SMPDL3A: variants seen among roughly 807,000 people sequenced by gnomAD.
The protein encoded by SMPDL3A is cyclic GMP-AMP phosphodiesterase SMPDL3A.
In SMPDL3A, 39 loss-of-function variants were observed where a neutral mutation model predicts 38.5. The ratio of observed to expected loss-of-function variants is 1.01; its 90% CI spans 0.78 to 1.32. The LOEUF is 1.32. SMPDL3A is among the 40% of genes most tolerant of loss of function. The pLI, the probability that SMPDL3A is intolerant of heterozygous loss-of-function variation, is 0.00. For synonymous variants in SMPDL3A, 180 were observed against 194.3 expected, an observed-to-expected ratio of 0.93 and a Z score of 0.61; for missense variants, 502 against 536.2, an observed-to-expected ratio of 0.94 and a Z score of 0.63.
chr6:122,804,733 T>C (rs1781544416), intron 5 of SMPDL3A, among the ~76,000 whole-genome samples, 176 bp from the exon 6 acceptor site: 1 of 152,188 alleles, frequency 6.6e-6, no homozygotes, highest in African/African-American at 2.4e-5. Context: ...TGTACAAATA[T>C]AGTGACCCTA....
chr6:122,808,625 TCCTTCCTTCCTTCCTTC>T (rs1562357778), intron 7 of SMPDL3A, among the ~76,000 whole-genome samples: 2 of 100,772 alleles, frequency 2.0e-5, no homozygotes, highest in Non-Finnish European at 3.8e-5. Flanking sequence ...CTTCCTTCCT[TCCTTCCTTCCTTCCTTC>T]CCCCCCTCCT....
At chr6:122,802,788 A>T (rs1284873791) in intron 4 of SMPDL3A, among the ~76,000 whole-genome samples, 1 of 152,166 alleles carries the variant, frequency 6.6e-6, no homozygotes, top group Non-Finnish European at 1.5e-5. Flanking sequence ...ATCCTGAGAA[A>T]GTCTTAAAGG....
chr6:122,794,243 A>G (rs1046178607), intron 1 of SMPDL3A, among the ~76,000 whole-genome samples: 7 of 152,212 alleles, frequency 4.6e-5, no homozygotes, highest in Non-Finnish European at 1.0e-4. Flanking sequence ...TGGCACATAG[A>G]AAATACTTAA....
chr6:122,795,670 TCAA>T lies in SMPDL3A; in HGVS notation c.113-4_113-2del, dbSNP rs1781222052. 2 of 1,604,888 alleles carry T rather than the reference TCAA, an allele frequency of 1.2e-6. No homozygotes were observed. Among genetic ancestry groups the T allele is most frequent in the Non-Finnish European group, 1.7e-6 (2 of 1,173,942 alleles). On this transcript the variant is annotated splice_polypyrimidine_tract_variant and splice_region_variant and intron_variant, in intron 1 of 7. Coordinates refer to ENST00000368440, the MANE Select transcript of SMPDL3A (RefSeq NM_006714.5). Reference sequence around the variant, plus strand: ...AGATTTATCTGCATTTTTTGTGTAATCAACAGGACAGTTTTGGCATGTGACTGA... The same window carrying T: ...AGATTTATCTGCATTTTTTGTGTAATCAGGACAGTTTTGGCATGTGACTGA...
chr6:122,803,941 G>A, intron 5 of SMPDL3A, 108 bp downstream of exon 5: 1 of 873,526 alleles, frequency 1.1e-6, no homozygotes. Flanking sequence ...ATAATTTGAA[G>A]ATTTTTTTTG....
rs150006935 is a variant in SMPDL3A, at chr6:122,805,916, G to A, written c.920-317G>A. ...CCTTATATTCTTTTAATTTTTTGCT[G>A]GAGTATTTGAAAGTGAATCTCAAAC... On this transcript the variant is annotated intron_variant, in intron 6 of 7. Coordinates refer to ENST00000368440, the MANE Select transcript of SMPDL3A (RefSeq NM_006714.5). Among the ~76,000 whole-genome samples the A allele has an allele frequency of 5.0e-4, 76 of 152,206 alleles. 2 individuals carry two copies. In the East Asian group the frequency reaches 0.014, roughly 27 times the overall value.
At chr6:122,790,176 C>A (rs973331416) in intron 1 of SMPDL3A, among the ~76,000 whole-genome samples, 3 of 152,174 alleles carry the variant, frequency 2.0e-5, no homozygotes, top group Admixed American at 6.5e-5. Flanking sequence ...TGGCAGCAGC[C>A]GCCGCACTTA....
intron 4 of SMPDL3A, 113 bp from the exon 5 acceptor site, chr6:122,803,551 T>G: frequency 2.7e-6 from 2 of 736,776 alleles, no homozygotes; most frequent in Non-Finnish European, 4.4e-6. Context: ...AACTAAACAA[T>G]GAGAAATAAG....
rs1225326344 is a variant in SMPDL3A, at chr6:122,789,294, C to T, written c.-53C>T. On this transcript the variant is annotated 5_prime_UTR_variant, in exon 1 of 8. Coordinates refer to ENST00000368440, the MANE Select transcript of SMPDL3A (RefSeq NM_006714.5). ...CCGCCTCACCCTCAGGCCTGACGGT[C>T]CGAGTGGAGCTGCGGGACAGCCCGA... The T allele has an allele frequency of 2.1e-5, 27 of 1,316,174 alleles. No homozygotes were observed. Among genetic ancestry groups the T allele is most frequent in the Non-Finnish European group, 1.0e-5 (10 of 955,378 alleles). The allele number at this position is 1,316,174 out of a possible 1,614,324, so 81.5% of individuals were successfully genotyped here. A position where few individuals can be genotyped will look rare whatever the true frequency, so the allele number is the denominator to read the frequency against.
rs1006796321 is a variant in SMPDL3A at position 122,809,315 on chromosome 6, A to G, written c.1269A>G (p.Thr423=). ...SYDSSVTCDK[T]CKAFQICAIM... is the part of the protein sequence containing the mutation. Reference sequence around the variant, plus strand: ...ACAGCAGTGTAACATGTGATAAGACATGTAAGGCCTTTCAGATTTGTGCAA... The same window carrying G: ...ACAGCAGTGTAACATGTGATAAGACGTGTAAGGCCTTTCAGATTTGTGCAA... Residue 423 remains threonine, a synonymous_variant, in exon 8 of 8, where the codon ACA becomes ACG. Coordinates refer to ENST00000368440, the MANE Select transcript of SMPDL3A (RefSeq NM_006714.5). 6.2e-7 allele frequency: 1 copy of G among 1,613,976 alleles called. No individual in the cohort carries two copies. The highest frequency in any genetic ancestry group is 8.5e-7 in the Non-Finnish European group (1 of 1,179,844).
Position 122,806,308 on chromosome 6 carries a change from A to G in SMPDL3A, c.995A>G (p.Asn332Ser). 2 of 1,613,516 alleles carry G rather than the reference A, an allele frequency of 1.2e-6. No homozygotes were observed. ...AGTGTTTTAGAAAAACAGACCAACAATCCTGGTATCAGACTGTTTCAGTAT... is the reference window on the plus strand; with the variant it reads ...AGTGTTTTAGAAAAACAGACCAACAGTCCTGGTATCAGACTGTTTCAGTAT... ...VKSVLEKQTNNPGIRLFQYDP... is the reference protein window; with the variant it reads ...VKSVLEKQTNSPGIRLFQYDP... Residue 332 changes from asparagine (N) to serine (S), a missense_variant, in exon 7 of 8, where the codon AAT (asparagine) becomes AGT (serine). By Grantham distance (46) the Asn-to-Ser change is conservative. Transcript: ENST00000368440.
At chr6:122,798,625 A>T (rs1781328766) in intron 3 of SMPDL3A, among the ~76,000 whole-genome samples, 1 of 152,202 alleles carries the variant, frequency 6.6e-6, no homozygotes, top group Non-Finnish European at 1.5e-5. Context: ...GGCATAGCTT[A>T]CTATCTGGCA....
chr6:122,789,591 T>C, intron 1 of SMPDL3A, 133 bp downstream of exon 1: 3 of 888,464 alleles, frequency 3.4e-6, no homozygotes, highest in Non-Finnish European at 5.1e-6. Context: ...CCCTGACGCG[T>C]CCGGCGTTGA....
intron 1 of SMPDL3A, among the ~76,000 whole-genome samples, chr6:122,790,406 C>T (rs1488983371): frequency 6.6e-6 from 1 of 152,212 alleles, no homozygotes; most frequent in South Asian, 2.1e-4. Context: ...ACCTCCTCAA[C>T]TCCCTTTAAA....
chr6:122,789,863 C>T (rs1452985938), intron 1 of SMPDL3A: 2 of 985,248 alleles, frequency 2.0e-6, no homozygotes, highest in Non-Finnish European at 2.4e-6. Flanking sequence ...GGCCCCTAAT[C>T]GGTCCTGAAT....
intron 7 of SMPDL3A, 94 bp from the exon 8 acceptor site, chr6:122,808,997 A>G (rs1781760097): frequency 1.9e-6 from 2 of 1,030,544 alleles, no homozygotes; most frequent in Non-Finnish European, 2.9e-6. Context: ...CCAAGCCTAA[A>G]ATGTCACAGA....
At chr6:122,789,679 G>A (rs994238922) in intron 1 of SMPDL3A, 43 of 359,992 alleles carry the variant, frequency 1.2e-4, no homozygotes, top group Non-Finnish European at 1.6e-4. Flanking sequence ...GGGGCTGGGC[G>A]GGGGAAATGC....
intron 1 of SMPDL3A, 151 bp downstream of exon 1, chr6:122,789,609 T>A: frequency 1.2e-6 from 1 of 821,512 alleles, no homozygotes. Context: ...TGACCACGGC[T>A]GGTGGGCGCG....
chr6:122,796,383 G>T (rs1292676504), intron 2 of SMPDL3A, among the ~76,000 whole-genome samples: 4 of 152,228 alleles, frequency 2.6e-5, no homozygotes, highest in African/African-American at 7.2e-5. Flanking sequence ...CTTATACATT[G>T]TAACTTATTT....
Sources: allele counts gnomAD v4.1 joint callset (sites outside exome capture counted in the v4.1 genomes callset), GRCh38; gene constraint gnomAD v4.1.1; transcripts MANE v1.5; gene names NCBI Gene and HGNC (gene_info 2026-07-23, HGNC 2026-07-21).